Variants in ZNF695 observed in about 807,000 individuals in gnomAD.
The protein encoded by ZNF695 is zinc finger protein SBZF3.
ZNF695 carries 11 observed loss-of-function variants against 11.2 expected under a neutral mutation model. The observed-to-expected ratio is 0.98, with a 90% CI of 0.62 to 1.62. ZNF695 has a LOEUF of 1.62. ZNF695 is among the 40% of genes most tolerant of loss of function. The pLI is 0.00. For missense variants in ZNF695, 559 were observed against 590.5 expected, an observed-to-expected ratio of 0.95 and a Z score of 0.55; for synonymous variants, 190 against 201.4, an observed-to-expected ratio of 0.94 and a Z score of 0.48.
At chr1:246,965,497 A>G (rs934764688) in intron 5 of ZNF695, among the ~76,000 whole-genome samples, 28 of 152,022 alleles carry the variant, frequency 1.8e-4, no homozygotes, top group Non-Finnish European at 3.7e-4. Flanking sequence ...AGTACTTTGG[A>G]AGGCTGAGGC....
intron 3 of ZNF695, among the ~76,000 whole-genome samples, chr1:246,996,972 TA>T (rs1669230853): frequency 6.6e-6 from 1 of 152,204 alleles, no homozygotes; most frequent in African/African-American, 2.4e-5. Flanking sequence ...AACTTACAGA[TA>T]AATGTACTGA....
In ZNF695 at chr1:246,987,675, G is replaced by A. The variant is rs1235051336; in HGVS notation, c.840C>T (p.Cys280=). Residue 280 remains cysteine, a synonymous_variant, in exon 4 of 4, where the codon TGC becomes TGT. Transcript: ENST00000339986. ...CEECGKAFNL[C]SVLTKHKKIH... is the part of the protein sequence containing the mutation. ...TTTTCTTATGTTTAGTAAGAACTGAGCACAGGTTAAAAGCTTTGCCACATT... is the reference window on the plus strand; with the variant it reads ...TTTTCTTATGTTTAGTAAGAACTGAACACAGGTTAAAAGCTTTGCCACATT... The A allele has an allele frequency of 1.3e-6, 2 of 1,598,040 alleles. No homozygotes were observed. The highest frequency in any genetic ancestry group is 1.3e-5 in the African/African-American group (1 of 74,084).
Position 246,974,160 on chromosome 1 carries a change from AC to A in ZNF695, c.391-6369del, listed in dbSNP as rs1426988952. On this transcript the variant is annotated intron_variant, in intron 4 of 5. Transcript: ENST00000487338. Reference sequence around the variant, plus strand: ...TTTGGAATAAAAAACAAACAAACAAACAAAAAAAAACAAACAAAAAACAACA... The same window carrying A: ...TTTGGAATAAAAAACAAACAAACAAAAAAAAAAAACAAACAAAAAACAACA... Among the ~76,000 whole-genome samples, 1,137 of 147,190 alleles carry A rather than the reference AC, an allele frequency of 7.7e-3. 8 individuals carry two copies. Among genetic ancestry groups the A allele is most frequent in the African/African-American group, 0.016 (587 of 37,520 alleles).
chr1:246,958,055 T>G (rs1394735616), intron 5 of ZNF695, among the ~76,000 whole-genome samples: 3 of 151,182 alleles, frequency 2.0e-5, no homozygotes, highest in Non-Finnish European at 4.4e-5. Flanking sequence ...TTTTGTTTTG[T>G]TTTTGTTTTT....
chr1:246,950,001 T>A (rs1667833642), intron 5 of ZNF695, among the ~76,000 whole-genome samples: 1 of 152,208 alleles, frequency 6.6e-6, no homozygotes, highest in South Asian at 2.1e-4. Context: ...TTTGTGTCTT[T>A]ATTTTTAAAG....
chr1:246,967,471 A>T, intron 5 of ZNF695: 1 of 456,368 alleles, frequency 2.2e-6, no homozygotes, highest in Non-Finnish European at 4.4e-6. Flanking sequence ...AATGGGGGAT[A>T]AAAGAGAAAA....
chr1:246,955,796 G>A (rs532874220), intron 5 of ZNF695, among the ~76,000 whole-genome samples: 1 of 152,194 alleles, frequency 6.6e-6, no homozygotes, highest in East Asian at 1.9e-4. Context: ...TCTGGACAAT[G>A]TCCAGCACAC....
At chr1:246,955,650 T>C (rs1230752261) in intron 5 of ZNF695, among the ~76,000 whole-genome samples, 7 of 152,192 alleles carry the variant, frequency 4.6e-5, no homozygotes, top group Non-Finnish European at 8.8e-5. Context: ...CAAAGGAGGC[T>C]TTTTCCCCAA....
chr1:246,982,824 G>C (rs944600688), downstream of ZNF695, among the ~76,000 whole-genome samples: 2 of 151,600 alleles, frequency 1.3e-5, no homozygotes, highest in Non-Finnish European at 2.9e-5. Flanking sequence ...AATTTTCTCC[G>C]TACAACTCTT....
chr1:246,969,423 G>C (rs1668369765), intron 4 of ZNF695: 1 of 152,212 alleles, frequency 6.6e-6, no homozygotes, highest in South Asian at 2.1e-4. Flanking sequence ...CCTCAGCCTG[G>C]ACTTCATTGT....
chr1:246,976,231 G>A (rs1285355175), intron 4 of ZNF695, among the ~76,000 whole-genome samples: 1 of 152,142 alleles, frequency 6.6e-6, no homozygotes, highest in African/African-American at 2.4e-5. Flanking sequence ...ACTAGATGTG[G>A]CACACTGTCC....
intron 4 of ZNF695, among the ~76,000 whole-genome samples, chr1:246,977,145 A>G (rs1668588976): frequency 6.6e-6 from 1 of 152,218 alleles, no homozygotes; most frequent in Non-Finnish European, 1.5e-5. Context: ...GTGCCAGCTA[A>G]CAAAAACTTT....
At chr1:246,982,802 A>G (rs1178450222), downstream of ZNF695, among the ~76,000 whole-genome samples, 1 of 151,616 alleles carries the variant, frequency 6.6e-6, no homozygotes, top group African/African-American at 2.4e-5. Context: ...ACATCTCTCA[A>G]ATAAGTTTGA....
At chr1:246,971,586 C>T (rs1668427013) in intron 4 of ZNF695, among the ~76,000 whole-genome samples, 1 of 152,168 alleles carries the variant, frequency 6.6e-6, no homozygotes, top group African/African-American at 2.4e-5. Context: ...AGAGGGCTCA[C>T]ACTCTTGCCT....
chr1:246,981,134 T>C (rs1330234782), downstream of ZNF695, among the ~76,000 whole-genome samples: 5 of 152,232 alleles, frequency 3.3e-5, no homozygotes, highest in Non-Finnish European at 7.3e-5. Context: ...TTTTTAAATG[T>C]TCATCAATAA....
intron 5 of ZNF695, among the ~76,000 whole-genome samples, chr1:246,957,701 T>A (rs1222494345): frequency 1.3e-5 from 2 of 151,906 alleles, no homozygotes. Flanking sequence ...AGTGGCATGA[T>A]CTTACCTCAC....
chr1:246,976,793 C>CAAATAAATAAATAAATAAAT (rs569407542), intron 4 of ZNF695, among the ~76,000 whole-genome samples: 10 of 151,390 alleles, frequency 6.6e-5, no homozygotes, highest in South Asian at 4.2e-4. Context: ...AACTCCGTCT[C>CAAATAAATAAATAAATAAAT]AAATAAATAA....
At chr1:246,985,204 C>G (rs533320864), downstream of ZNF695, 4 of 735,276 alleles carry the variant, frequency 5.4e-6, no homozygotes, top group South Asian at 2.5e-4. Context: ...GTATTTATCT[C>G]CATGTAAACC....
chr1:246,946,468 C>G, intron 5 of ZNF695, among the ~76,000 whole-genome samples: 1 of 152,214 alleles, frequency 6.6e-6, no homozygotes, highest in East Asian at 1.9e-4. Context: ...TTACTTATTT[C>G]CTGGCATTTT....
Sources: gnomAD v4.1 joint callset for allele counts (sites outside exome capture counted in the v4.1 genomes callset) on GRCh38, gnomAD v4.1.1 for gene constraint, MANE v1.5 for transcripts, NCBI Gene and HGNC (gene_info 2026-07-23, HGNC 2026-07-21) for gene names.